The following CNTN4 variants were observed in gnomAD, a reference collection of about 807,000 sequenced individuals.
The protein encoded by CNTN4 is contactin-4.
In CNTN4, 77 loss-of-function variants were observed where a neutral mutation model predicts 122.5. The ratio of observed to expected loss-of-function variants is 0.63; its 90% CI spans 0.52 to 0.76. The LOEUF (loss-of-function observed/expected upper bound fraction) is 0.76, where lower values mean the gene tolerates loss of function less well. CNTN4 is among the 30% of genes least tolerant of loss of function. The probability of loss-of-function intolerance (pLI) is 0.00; values close to 1 mark genes in which losing one functional copy is unlikely to be tolerated. For synonymous variants in CNTN4, 512 were observed against 447.0 expected (o/e 1.15, Z -1.83); for missense variants, 1,256 against 1,259.1 (o/e 1.00, Z 0.04).
At chr3:2,724,741 G>A (rs773104593) in intron 4 of CNTN4, among the ~76,000 whole-genome samples, 9 of 152,124 alleles carry the variant, frequency 5.9e-5, no homozygotes, top group African/African-American at 1.4e-4. Flanking sequence ...AGTGGGAAAC[G>A]GAGGGTGTCA....
At chr3:2,387,374 A>C (rs942238797) in intron 3 of CNTN4, among the ~76,000 whole-genome samples, 1 of 148,146 alleles carries the variant, frequency 6.8e-6, no homozygotes, top group Non-Finnish European at 1.5e-5. Flanking sequence ...AAGAGTAAAA[A>C]GAACATTTAA....
At chr3:2,656,839 T>C (rs2083612479) in intron 4 of CNTN4, among the ~76,000 whole-genome samples, 1 of 152,216 alleles carries the variant, frequency 6.6e-6, no homozygotes, top group African/African-American at 2.4e-5. Flanking sequence ...GTCTTCCTTT[T>C]CCTGTGGTGG....
At chr3:2,470,485 G>T (rs1027318261) in intron 3 of CNTN4, among the ~76,000 whole-genome samples, 3 of 151,680 alleles carry the variant, frequency 2.0e-5, no homozygotes, top group African/African-American at 7.3e-5. Flanking sequence ...CTTCCTTATC[G>T]CATCTTGAGA....
At chr3:2,333,893 G>T (rs1031430748) in intron 2 of CNTN4, among the ~76,000 whole-genome samples, 1 of 82,872 alleles carries the variant, frequency 1.2e-5, no homozygotes, top group Non-Finnish European at 2.9e-5. Context: ...TTCAGGTTGG[G>T]TTTTAACTAC....
chr3:2,365,152 C>T lies in CNTN4; in HGVS notation c.-89+25919C>T, dbSNP rs74702772. On this transcript the variant is annotated intron_variant, in intron 3 of 24. Coordinates refer to ENST00000418658, the MANE Select transcript of CNTN4 (RefSeq NM_175607.3). ...GTAATGTGATTTGAAGCCCTTGTAA[C>T]GAGTACAGGTAATAATGTATCCAGG... 6.1e-3 allele frequency among the ~76,000 whole-genome samples: 921 copies of T among 152,050 alleles called. 10 individuals are homozygous for T. The highest frequency in any genetic ancestry group is 0.021 in the African/African-American group (869 of 41,442).
At chr3:2,256,881 T>C (rs1279324547) in intron 2 of CNTN4, among the ~76,000 whole-genome samples, 1 of 152,164 alleles carries the variant, frequency 6.6e-6, no homozygotes, top group Non-Finnish European at 1.5e-5. Flanking sequence ...ATTTACAGAT[T>C]CAATGCTATC....
At chr3:2,514,485 AT>A (rs897111440) in intron 3 of CNTN4, among the ~76,000 whole-genome samples, 1 of 150,604 alleles carries the variant, frequency 6.6e-6, no homozygotes, top group African/African-American at 2.5e-5. Context: ...AAAAAAAAAA[AT>A]GAATATGACT....
intron 2 of CNTN4, among the ~76,000 whole-genome samples, chr3:2,257,667 A>T (rs754621878): frequency 2.6e-5 from 4 of 152,260 alleles, no homozygotes; most frequent in African/African-American, 2.4e-5. Context: ...TATGCAGCCA[A>T]GAAACATGAA....
chr3:2,753,629 C>T (rs1215253213), intron 6 of CNTN4, among the ~76,000 whole-genome samples: 2 of 152,152 alleles, frequency 1.3e-5, no homozygotes, highest in Admixed American at 1.3e-4. Context: ...CATGGCTTCC[C>T]TTATGCTGTG....
At chr3:2,185,040 A>G (rs1051664704) in intron 2 of CNTN4, among the ~76,000 whole-genome samples, 1 of 152,152 alleles carries the variant, frequency 6.6e-6, no homozygotes, top group Non-Finnish European at 1.5e-5. Flanking sequence ...TGGATTCCTC[A>G]TTGTGCAACT....
At chr3:2,164,915 CAAAATG>C (rs1439009326) in intron 2 of CNTN4, among the ~76,000 whole-genome samples, 4 of 151,934 alleles carry the variant, frequency 2.6e-5, no homozygotes, top group African/African-American at 9.7e-5. Flanking sequence ...GTACTATAGC[CAAAATG>C]AAAATGAGTC....
At chr3:2,126,812 C>T (rs1200948428) in intron 2 of CNTN4, among the ~76,000 whole-genome samples, 1 of 152,096 alleles carries the variant, frequency 6.6e-6, no homozygotes, top group Non-Finnish European at 1.5e-5. Flanking sequence ...CCTTTAACTA[C>T]TGGGGGTTTA....
intron 3 of CNTN4, among the ~76,000 whole-genome samples, chr3:2,531,690 C>A (rs569982288): frequency 6.6e-6 from 1 of 152,194 alleles, no homozygotes; most frequent in South Asian, 2.1e-4. Flanking sequence ...GATTTCTGAC[C>A]TTTTCCCCTG....
At chr3:2,538,764 G>A (rs1465782509) in intron 3 of CNTN4, among the ~76,000 whole-genome samples, 3 of 151,772 alleles carry the variant, frequency 2.0e-5, no homozygotes, top group African/African-American at 7.3e-5. Context: ...CATTCCTAAT[G>A]GCAGTTATTT....
intron 23 of CNTN4, among the ~76,000 whole-genome samples, chr3:3,045,431 C>T (rs1700547733): frequency 6.6e-6 from 1 of 152,226 alleles, no homozygotes; most frequent in African/African-American, 2.4e-5. Context: ...TGAGACAAAA[C>T]TTCCAGAGGA....
intron 4 of CNTN4, among the ~76,000 whole-genome samples, chr3:2,678,609 A>C (rs563435463): frequency 9.2e-5 from 14 of 152,096 alleles, no homozygotes; most frequent in Non-Finnish European, 1.9e-4. Flanking sequence ...TTTGCAGATT[A>C]CCTTTCTGCT....
At chr3:2,661,292 C>T (rs2083878584) in intron 4 of CNTN4, among the ~76,000 whole-genome samples, 3 of 152,138 alleles carry the variant, frequency 2.0e-5, no homozygotes. Flanking sequence ...GTGCCTCTAG[C>T]ATGAGTATTC....
intron 10 of CNTN4, among the ~76,000 whole-genome samples, chr3:2,896,025 T>C (rs746662199): frequency 4.6e-5 from 7 of 152,238 alleles, no homozygotes; most frequent in Non-Finnish European, 8.8e-5. Context: ...AGAGCCAGAC[T>C]CTGTCTCAAA....
In CNTN4 at chr3:2,707,317, C is replaced by T. The variant is rs545233329; in HGVS notation, c.56-28898C>T. Among the ~76,000 whole-genome samples, 243 of 146,412 alleles carry T rather than the reference C, an allele frequency of 1.7e-3. 1 individual carries two copies. Among genetic ancestry groups the T allele is most frequent in the African/African-American group, 5.8e-3 (225 of 38,784 alleles). ...CAAGACCATGTCTCAAAAAAAAAAA[C>T]CCAAAAAAAACAGAAAACTTCACCT... On this transcript the variant is annotated intron_variant, in intron 4 of 24. Coordinates refer to ENST00000418658, the MANE Select transcript of CNTN4 (RefSeq NM_175607.3).
Sources: allele counts gnomAD v4.1 joint callset (sites outside exome capture counted in the v4.1 genomes callset), GRCh38; gene constraint gnomAD v4.1.1; transcripts MANE v1.5; gene names NCBI Gene and HGNC (gene_info 2026-07-23, HGNC 2026-07-21).